Variants in SLC35F4 observed in about 807,000 individuals in gnomAD.
SLC35F4 encodes the protein solute carrier family 35 member F4, also known as chromosome 14 open reading frame 36.
SLC35F4 carries 24 observed loss-of-function variants against 44.2 expected under a neutral mutation model. That is an observed-to-expected ratio of 0.54 (90% CI 0.39 to 0.76). The LOEUF is 0.76. SLC35F4 is among the 30% of genes least tolerant of loss of function. The pLI, the probability that SLC35F4 is intolerant of heterozygous loss-of-function variation, is 0.00. For synonymous variants in SLC35F4, 238 were observed against 223.6 expected, an observed-to-expected ratio of 1.06 and a Z score of -0.57; for missense variants, 562 against 586.1, an observed-to-expected ratio of 0.96 and a Z score of 0.42.
At chr14:57,945,439 A>ATGTGTGTGTGTGTGTGTGTGTG (rs58976756) in intron 1 of SLC35F4, among the ~76,000 whole-genome samples, 1 of 104,748 alleles carries the variant, frequency 9.5e-6, no homozygotes, top group Non-Finnish European at 1.8e-5. Context: ...AGCAATGATA[A>ATGTGTGTGTGTGTGTGTGTGTG]TGTGTGTGTG....
intron 1 of SLC35F4, among the ~76,000 whole-genome samples, chr14:57,788,509 G>C (rs1295854352): frequency 6.6e-6 from 1 of 152,162 alleles, no homozygotes; most frequent in African/African-American, 2.4e-5. Flanking sequence ...TAGACCATAT[G>C]ATAGGCCATA....
At chr14:57,676,089 A>T (rs2074683389) in intron 1 of SLC35F4, among the ~76,000 whole-genome samples, 2 of 152,276 alleles carry the variant, frequency 1.3e-5, no homozygotes, top group African/African-American at 4.8e-5. Flanking sequence ...TACTATGCAG[A>T]ATCTACAAGG....
chr14:57,710,408 C>T (rs779709298), intron 1 of SLC35F4, among the ~76,000 whole-genome samples: 1 of 152,038 alleles, frequency 6.6e-6, no homozygotes, highest in Non-Finnish European at 1.5e-5. Flanking sequence ...TCCGCTAGGG[C>T]AGTGCAGAAG....
At chr14:57,570,006 C>G (rs1474689105) in intron 5 of SLC35F4, 26 bp from the exon 6 acceptor site, 2 of 1,564,372 alleles carry the variant, frequency 1.3e-6, no homozygotes, top group Non-Finnish European at 1.7e-6. Context: ...AACTCTACAG[C>G]CACACAGAAA....
chr14:57,856,638 T>C (rs780217363), intron 1 of SLC35F4, among the ~76,000 whole-genome samples: 9 of 152,080 alleles, frequency 5.9e-5, no homozygotes, highest in Non-Finnish European at 1.2e-4. Flanking sequence ...ATAGACCTTA[T>C]GTGTTCTAGT....
intron 6 of SLC35F4, 121 bp downstream of exon 6, chr14:57,569,667 A>G: frequency 1.7e-6 from 2 of 1,149,152 alleles, no homozygotes; most frequent in Admixed American, 6.6e-5. Context: ...ACGACATTGA[A>G]CAACATAAGT....
intron 1 of SLC35F4, among the ~76,000 whole-genome samples, chr14:57,804,737 A>G (rs1881095462): frequency 6.6e-6 from 1 of 152,252 alleles, no homozygotes. Flanking sequence ...AAAATGCCAA[A>G]AGCAATTGCA....
At chr14:57,711,311 G>C (rs1375553277) in intron 1 of SLC35F4, among the ~76,000 whole-genome samples, 1 of 152,110 alleles carries the variant, frequency 6.6e-6, no homozygotes, top group East Asian at 1.9e-4. Context: ...TTCCCAGCCA[G>C]GCAGAACTGT....
At chr14:57,593,380 A>G (rs2070307983) in intron 2 of SLC35F4, among the ~76,000 whole-genome samples, 1 of 152,194 alleles carries the variant, frequency 6.6e-6, no homozygotes, top group Admixed American at 6.6e-5. Context: ...TCCAGTCAGT[A>G]ACCCAGGAGT....
At chr14:57,836,380 A>G (rs1442045733) in intron 1 of SLC35F4, among the ~76,000 whole-genome samples, 4 of 151,710 alleles carry the variant, frequency 2.6e-5, no homozygotes, top group Non-Finnish European at 5.9e-5. Flanking sequence ...GCAACCTCCG[A>G]CTCCCTGGTT....
At chr14:57,899,523 T>C (rs1470293602) in intron 1 of SLC35F4, among the ~76,000 whole-genome samples, 1 of 152,270 alleles carries the variant, frequency 6.6e-6, no homozygotes, top group Non-Finnish European at 1.5e-5. Flanking sequence ...TACACAAGTG[T>C]ACAAGATATG....
At chr14:57,782,064 G>GT (rs1473290869) in intron 1 of SLC35F4, among the ~76,000 whole-genome samples, 1 of 152,176 alleles carries the variant, frequency 6.6e-6, no homozygotes, top group East Asian at 1.9e-4. Flanking sequence ...GAACCTAAAA[G>GT]TTTTTTAAAA....
intron 1 of SLC35F4, among the ~76,000 whole-genome samples, chr14:57,926,960 G>T (rs1346252615): frequency 6.6e-6 from 1 of 151,358 alleles, no homozygotes; most frequent in Non-Finnish European, 1.5e-5. Context: ...GCTGAAATAA[G>T]CCACAGACTT....
At position 57,738,748 on chromosome 14, in the gene SLC35F4, C is replaced by CATATATATAT. The variant is rs36212594; in HGVS notation, c.103+126965_103+126974dup. Among the ~76,000 whole-genome samples, 393 of 110,174 alleles carry CATATATATAT rather than the reference C, an allele frequency of 3.6e-3. 4 individuals carry two copies. The highest frequency in any genetic ancestry group is 5.9e-3 in the Non-Finnish European group (317 of 54,024). 72.3% of individuals were successfully genotyped at this position (110,174 alleles called of 152,430 possible). ...CTTTATTTCATAATATTTGAATTTT[C>CATATATATAT]ATATATATATATATATATATATATA... On this transcript the variant is annotated intron_variant, in intron 1 of 7. Transcript: ENST00000556826.
intron 1 of SLC35F4, among the ~76,000 whole-genome samples, chr14:57,641,750 G>C (rs577968024): frequency 1.3e-5 from 2 of 152,088 alleles, no homozygotes; most frequent in East Asian, 3.9e-4. Context: ...TTACACTGCA[G>C]CTATTACCTA....
chr14:57,733,556 A>T (rs1412320023), intron 1 of SLC35F4, among the ~76,000 whole-genome samples: 1 of 152,092 alleles, frequency 6.6e-6, no homozygotes. Flanking sequence ...GTTAATTGAA[A>T]AAAAAAGGCA....
intron 1 of SLC35F4, among the ~76,000 whole-genome samples, chr14:57,812,632 T>C (rs1316819177): frequency 6.6e-6 from 1 of 152,138 alleles, no homozygotes; most frequent in East Asian, 1.9e-4. Flanking sequence ...TTTAAATTTA[T>C]GCTCTGACAT....
At chr14:57,754,454 C>G (rs2076952525) in intron 1 of SLC35F4, among the ~76,000 whole-genome samples, 1 of 152,154 alleles carries the variant, frequency 6.6e-6, no homozygotes, top group Admixed American at 6.5e-5. Flanking sequence ...CCCTTGCATC[C>G]TTCTTCCTGT....
At position 57,968,785 on chromosome 14, in the gene SLC35F4, A is replaced by G. The variant is rs571102355; in HGVS notation, n.282+13128T>C. Reference sequence around the variant, plus strand: ...TACAAAGTGGCACAACTGCTGGAACATAGTAAACCCCATCTTTGAAGGCCA... The same window carrying G: ...TACAAAGTGGCACAACTGCTGGAACGTAGTAAACCCCATCTTTGAAGGCCA... On this transcript the variant is annotated intron_variant and non_coding_transcript_variant, in intron 1 of 1. Transcript: ENST00000556568. Among the ~76,000 whole-genome samples the G allele has an allele frequency of 3.3e-5, 5 of 152,320 alleles. No individual in the cohort carries two copies. In the South Asian group the frequency reaches 1.0e-3, roughly 32 times the overall value.
Sources: allele counts gnomAD v4.1 joint callset (sites outside exome capture counted in the v4.1 genomes callset), GRCh38; gene constraint gnomAD v4.1.1; transcripts MANE v1.5; gene names NCBI Gene and HGNC (gene_info 2026-07-23, HGNC 2026-07-21).